FAM184A: variants seen among roughly 807,000 people sequenced by gnomAD.
FAM184A encodes the protein protein FAM184A.
A neutral mutation model predicts 143.8 loss-of-function variants in FAM184A; 99 were observed. That is an observed-to-expected ratio of 0.69 (90% CI 0.58 to 0.81). FAM184A has a LOEUF of 0.81. Among genes scored for constraint, FAM184A ranks in the 40% least tolerant of loss-of-function variants. FAM184A has a pLI of 0.00. For missense variants in FAM184A, 1,217 were observed against 1,310.5 expected, an observed-to-expected ratio of 0.93 and a Z score of 1.10; for synonymous variants, 427 against 446.4, an observed-to-expected ratio of 0.96 and a Z score of 0.55.
intron 1 of FAM184A, among the ~76,000 whole-genome samples, chr6:119,126,133 T>C (rs769339095): frequency 5.3e-5 from 8 of 152,212 alleles, no homozygotes; most frequent in Non-Finnish European, 8.8e-5. Flanking sequence ...GGCAGGATCT[T>C]GTTCCCTGTG....
At chr6:119,119,451 C>A (rs1789151214) in intron 1 of FAM184A, among the ~76,000 whole-genome samples, 1 of 152,178 alleles carries the variant, frequency 6.6e-6, no homozygotes, top group Non-Finnish European at 1.5e-5. Context: ...CTTTTGTACT[C>A]TGTCCCTTTA....
chr6:119,129,543 G>A (rs911919300), intron 1 of FAM184A, among the ~76,000 whole-genome samples: 2 of 152,042 alleles, frequency 1.3e-5, no homozygotes, highest in East Asian at 1.9e-4. Context: ...TGTAGAAAGC[G>A]CATTTTATTT....
rs1217552976 is a variant in FAM184A at position 118,960,019 on chromosome 6, A to G, written c.*84T>C. 3 of 1,046,202 alleles carry G rather than the reference A, an allele frequency of 2.9e-6. No individual in the cohort carries two copies. Among genetic ancestry groups the G allele is most frequent in the African/African-American group, 1.6e-5 (1 of 62,754 alleles). The allele number at this position is 1,046,202 out of a possible 1,614,324, so 64.8% of individuals were successfully genotyped here. A position where few individuals can be genotyped will look rare whatever the true frequency, so the allele number is the denominator to read the frequency against. ...TACTTTCTCATTCACAGTGTTTGACATAGGAAAGCCTATTTACATAACAAT... is the reference window on the plus strand; with the variant it reads ...TACTTTCTCATTCACAGTGTTTGACGTAGGAAAGCCTATTTACATAACAAT... On this transcript the variant is annotated 3_prime_UTR_variant, in exon 18 of 18. Transcript: ENST00000338891.
At chr6:119,106,792 CTGTT>C (rs903553519) in intron 1 of FAM184A, among the ~76,000 whole-genome samples, 32 of 152,116 alleles carry the variant, frequency 2.1e-4, no homozygotes, top group Admixed American at 1.9e-3. Flanking sequence ...GGCATGAAAA[CTGTT>C]TGGGAGGTAA....
At chr6:119,076,839 T>C (rs591328) in intron 1 of FAM184A, among the ~76,000 whole-genome samples, 152,037 of 152,342 alleles carry the variant, frequency 1, 75,867 homozygotes, top group Middle Eastern at 1. Flanking sequence ...CTTCTTAGAT[T>C]TTCCTTTCTC....
intron 1 of FAM184A, among the ~76,000 whole-genome samples, chr6:119,066,401 A>G (rs1026911120): frequency 1.3e-5 from 2 of 152,154 alleles, no homozygotes; most frequent in African/African-American, 4.8e-5. Context: ...ATAGTCAAGG[A>G]TAATCTCCCC....
chr6:118,960,707 T>C (rs1783292968), intron 17 of FAM184A: 1 of 829,778 alleles, frequency 1.2e-6, no homozygotes, highest in South Asian at 1.4e-5. Flanking sequence ...ATATAGTTTA[T>C]ACTTTTCTTA....
chr6:119,010,122 G>T (rs1393613750), intron 6 of FAM184A, among the ~76,000 whole-genome samples: 1 of 152,298 alleles, frequency 6.6e-6, no homozygotes, highest in East Asian at 1.9e-4. Context: ...TGAACTGGGA[G>T]AAGACTCCCT....
chr6:118,999,511 G>T (rs1407522115), intron 9 of FAM184A, among the ~76,000 whole-genome samples: 2 of 152,044 alleles, frequency 1.3e-5, no homozygotes, highest in Admixed American at 1.3e-4. Flanking sequence ...ATACACATAT[G>T]TTTAATAAAA....
intron 9 of FAM184A, among the ~76,000 whole-genome samples, chr6:118,999,107 T>C (rs1472577822): frequency 2.0e-5 from 3 of 152,142 alleles, no homozygotes; most frequent in African/African-American, 7.2e-5. Flanking sequence ...ATGAACTAGT[T>C]GTCTGGTGTA....
chr6:119,146,554 C>T (rs906873081), intron 1 of FAM184A, among the ~76,000 whole-genome samples: 2 of 151,890 alleles, frequency 1.3e-5, no homozygotes, highest in Non-Finnish European at 2.9e-5. Flanking sequence ...CCTCAGCCTT[C>T]CAAGTAGCAA....
At chr6:119,019,299 C>G (rs1785366811) in intron 4 of FAM184A, among the ~76,000 whole-genome samples, 1 of 152,166 alleles carries the variant, frequency 6.6e-6, no homozygotes, top group African/African-American at 2.4e-5. Flanking sequence ...TATGATCCAC[C>G]AAGTCCACCA....
intron 9 of FAM184A, among the ~76,000 whole-genome samples, chr6:118,982,413 G>A (rs1208100336): frequency 6.6e-6 from 1 of 152,114 alleles, no homozygotes; most frequent in Non-Finnish European, 1.5e-5. Flanking sequence ...AAATGTATAC[G>A]GGAAAGCTGG....
At chr6:118,961,300 G>A (rs913254445) in intron 17 of FAM184A, among the ~76,000 whole-genome samples, 9 of 149,542 alleles carry the variant, frequency 6.0e-5, no homozygotes, top group East Asian at 3.9e-4. Context: ...CAGAGTTTAC[G>A]TATGTTTCTA....
chr6:119,088,235 T>C (rs1449101284), intron 1 of FAM184A, among the ~76,000 whole-genome samples: 1 of 152,208 alleles, frequency 6.6e-6, no homozygotes, highest in Non-Finnish European at 1.5e-5. Context: ...GTTAAAATGC[T>C]AAATTTTATG....
At chr6:118,970,008 A>ATATATATATATATATATATATATATTTT in intron 14 of FAM184A, among the ~76,000 whole-genome samples, 3 of 19,044 alleles carry the variant, frequency 1.6e-4, no homozygotes, top group Admixed American at 7.6e-4. Flanking sequence ...ATATATATAT[A>ATATATATATATATATATATATATATTTT]TTTTTTTTTT....
chr6:119,061,525 A>ATTTTTCTT (rs1787242693), intron 1 of FAM184A, among the ~76,000 whole-genome samples: 1 of 51,578 alleles, frequency 1.9e-5, no homozygotes, highest in Non-Finnish European at 3.8e-5. Context: ...CTGGCTAATT[A>ATTTTTCTT]TTTTTCTTTT....
At chr6:119,009,636 T>A (rs1785030748) in intron 6 of FAM184A, 1 of 152,282 alleles carries the variant, frequency 6.6e-6, no homozygotes, top group Non-Finnish European at 1.5e-5. Flanking sequence ...TTACAATTCC[T>A]AGAAATTTCT....
chr6:119,020,630 G>A (rs186136768), intron 3 of FAM184A, among the ~76,000 whole-genome samples: 208 of 152,266 alleles, frequency 1.4e-3, no homozygotes, highest in Middle Eastern at 0.01. Flanking sequence ...AAGTTTGTAT[G>A]TAGGAAACAA....
Sources: allele counts gnomAD v4.1 joint callset (sites outside exome capture counted in the v4.1 genomes callset), GRCh38; gene constraint gnomAD v4.1.1; transcripts MANE v1.5; gene names NCBI Gene and HGNC (gene_info 2026-07-23, HGNC 2026-07-21).